The following PEBP4 variants were observed in gnomAD, a reference collection of about 807,000 sequenced individuals.
PEBP4 encodes phosphatidylethanolamine binding protein 4.
PEBP4 carries 22 observed loss-of-function variants against 23.9 expected under a neutral mutation model. That is an observed-to-expected ratio of 0.92 (90% CI 0.66 to 1.31). PEBP4 has a LOEUF of 1.31. PEBP4 is among the 40% of genes most tolerant of loss of function. The probability of loss-of-function intolerance (pLI) is 0.00; values close to 1 mark genes in which losing one functional copy is unlikely to be tolerated. For missense variants in PEBP4, 324 were observed against 281.7 expected (o/e 1.15, Z -1.07); for synonymous variants, 112 against 99.3 (o/e 1.13, Z -0.76).
At chr8:22,906,278 G>T (rs962859931) in intron 3 of PEBP4, among the ~76,000 whole-genome samples, 1 of 152,102 alleles carries the variant, frequency 6.6e-6, no homozygotes, top group African/African-American at 2.4e-5. Flanking sequence ...TTGGGAGAGT[G>T]TGCCTTCCCA....
At chr8:22,908,320 G>C (rs1230870743) in intron 3 of PEBP4, among the ~76,000 whole-genome samples, 2 of 151,982 alleles carry the variant, frequency 1.3e-5, no homozygotes, top group Non-Finnish European at 2.9e-5. Context: ...GAGCCAGAAA[G>C]AGTGAAAGTT....
At chr8:22,912,626 G>A (rs937970) in intron 3 of PEBP4, among the ~76,000 whole-genome samples, 1 of 151,966 alleles carries the variant, frequency 6.6e-6, no homozygotes, top group Non-Finnish European at 1.5e-5. Context: ...TCTATCCATC[G>A]CCCCATGTTG....
chr8:22,887,708 T>G (rs1337598871), intron 3 of PEBP4: 1 of 152,138 alleles, frequency 6.6e-6, no homozygotes, highest in East Asian at 1.9e-4. Flanking sequence ...GAGGCTGCAG[T>G]GAGCCATGAT....
At chr8:22,716,069 G>T (rs1276914558) in intron 6 of PEBP4, among the ~76,000 whole-genome samples, 2 of 152,190 alleles carry the variant, frequency 1.3e-5, no homozygotes, top group African/African-American at 4.8e-5. Context: ...GAGGGTAGGG[G>T]CAGTGTGGGC....
At chr8:22,753,411 G>A (rs1213554289) in intron 4 of PEBP4, among the ~76,000 whole-genome samples, 1 of 152,144 alleles carries the variant, frequency 6.6e-6, no homozygotes, top group Non-Finnish European at 1.5e-5. Context: ...AATCAAGGTG[G>A]GACAGATTTG....
chr8:22,811,607 G>A (rs1465909016), intron 4 of PEBP4, among the ~76,000 whole-genome samples: 1 of 152,188 alleles, frequency 6.6e-6, no homozygotes, highest in African/African-American at 2.4e-5. Flanking sequence ...AGGCCTGGCT[G>A]TCACTTGCAG....
intron 3 of PEBP4, among the ~76,000 whole-genome samples, chr8:22,820,480 C>T (rs1020807866): frequency 6.6e-6 from 1 of 152,130 alleles, no homozygotes; most frequent in African/African-American, 2.4e-5. Flanking sequence ...TCCCCTTGAC[C>T]GGGAGAGGCA....
chr8:22,821,862 G>A (rs1460852016), intron 3 of PEBP4, among the ~76,000 whole-genome samples: 1 of 151,998 alleles, frequency 6.6e-6, no homozygotes, highest in Non-Finnish European at 1.5e-5. Flanking sequence ...GCGGGTGCCT[G>A]TAGTCCCAGC....
intron 4 of PEBP4, among the ~76,000 whole-genome samples, chr8:22,733,605 C>G (rs766268295): frequency 5.3e-5 from 8 of 152,092 alleles, no homozygotes; most frequent in Non-Finnish European, 8.8e-5. Flanking sequence ...TACTCAGGCT[C>G]GTGGTGCCTC....
chr8:22,758,071 C>CT (rs1805429505), intron 4 of PEBP4: 1 of 152,266 alleles, frequency 6.6e-6, no homozygotes, highest in Non-Finnish European at 1.5e-5. Context: ...AATGGGGACT[C>CT]TAACTCCATG....
intron 3 of PEBP4, among the ~76,000 whole-genome samples, chr8:22,827,905 T>G (rs992308949): frequency 2.0e-5 from 3 of 152,238 alleles, no homozygotes; most frequent in African/African-American, 7.2e-5. Flanking sequence ...TGTCTTTTGA[T>G]TGTGGCCATG....
At chr8:22,927,794 C>T in intron 1 of PEBP4, 29 bp downstream of exon 1, 8 of 1,571,246 alleles carry the variant, frequency 5.1e-6, no homozygotes, top group South Asian at 2.3e-5. Flanking sequence ...TGCCCCCGAC[C>T]CCAGGGGCCC....
intron 4 of PEBP4, among the ~76,000 whole-genome samples, chr8:22,730,399 G>C (rs1804705980): frequency 6.6e-6 from 1 of 152,170 alleles, no homozygotes; most frequent in Non-Finnish European, 1.5e-5. Context: ...AAATTATCTG[G>C]GCATGATGGC....
At chr8:22,831,019 C>T (rs552315045) in intron 3 of PEBP4, among the ~76,000 whole-genome samples, 1 of 152,294 alleles carries the variant, frequency 6.6e-6, no homozygotes, top group South Asian at 2.1e-4. Flanking sequence ...GCCCACTGTC[C>T]TTGTCATCTT....
chr8:22,865,667 G>A lies in PEBP4; in HGVS notation c.259-47932C>T, dbSNP rs1807879448. 6.6e-6 allele frequency among the ~76,000 whole-genome samples: 1 copy of A among 152,100 alleles called. No individual in the cohort carries two copies. Among genetic ancestry groups the A allele is most frequent in the African/African-American group, 2.4e-5 (1 of 41,442 alleles). ...ATGCTGCCCGGGAGGAGGAGGCAAA[G>A]GAAGACTCCGTTCCAGCCACCTCCC... On this transcript the variant is annotated intron_variant, in intron 3 of 6. Coordinates refer to ENST00000256404, the MANE Select transcript of PEBP4 (RefSeq NM_144962.3). This position sits in a 1 kb window ranked among gnomAD's most constrained non-coding sequence, Gnocchi z 6.9.
intron 3 of PEBP4, among the ~76,000 whole-genome samples, chr8:22,823,793 TA>T (rs984225292): frequency 6.6e-6 from 1 of 151,884 alleles, no homozygotes; most frequent in African/African-American, 2.4e-5. Flanking sequence ...TTTAAATCCA[TA>T]AAAAAAGACT....
upstream of PEBP4, among the ~76,000 whole-genome samples, chr8:22,932,220 G>A (rs182162352): frequency 6.6e-6 from 1 of 152,210 alleles, no homozygotes; most frequent in Non-Finnish European, 1.5e-5. Flanking sequence ...TAGACTAGTG[G>A]TTGCTAAGGC....
intron 4 of PEBP4, among the ~76,000 whole-genome samples, chr8:22,792,085 C>T (rs1449620079): frequency 6.6e-6 from 1 of 151,380 alleles, no homozygotes; most frequent in East Asian, 1.9e-4. Context: ...TCTGGAATTC[C>T]TGAGCTCAAG....
At chr8:22,826,648 G>T (rs183366963) in intron 3 of PEBP4, among the ~76,000 whole-genome samples, 1 of 152,172 alleles carries the variant, frequency 6.6e-6, no homozygotes, top group Admixed American at 6.5e-5. Flanking sequence ...AAAAAGCAAG[G>T]CGCAGAACAG....
Sources: gnomAD v4.1 joint callset for allele counts (sites outside exome capture counted in the v4.1 genomes callset) on GRCh38, gnomAD v4.1.1 for gene constraint, Gnocchi (gnomAD v3.1) non-coding constraint, MANE v1.5 for transcripts, NCBI Gene and HGNC (gene_info 2026-07-23, HGNC 2026-07-21) for gene names.